The following IRS2 variants were observed in gnomAD, a reference collection of about 807,000 sequenced individuals.
The protein encoded by IRS2 is insulin receptor substrate 2.
IRS2 carries 28 observed loss-of-function variants against 70.9 expected under a neutral mutation model. The ratio of observed to expected loss-of-function variants is 0.39; its 90% CI spans 0.29 to 0.54. IRS2 has a LOEUF of 0.54. IRS2 is among the 20% of genes least tolerant of loss of function. The probability of loss-of-function intolerance (pLI) is 0.59; values close to 1 mark genes in which losing one functional copy is unlikely to be tolerated. For missense variants in IRS2, 2,081 were observed against 2,024.1 expected (o/e 1.03, Z -0.54); for synonymous variants, 1,217 against 981.9 (o/e 1.24, Z -4.48).
chr13:109,784,527 G>A lies in IRS2; in HGVS notation c.1527C>T (p.Asp509=), dbSNP rs762332547. Residue 509 remains aspartate (D), a synonymous_variant, in exon 1 of 2, where the codon GAC becomes GAT. Transcript: ENST00000375856. This position sits in a 1 kb window ranked among gnomAD's most constrained non-coding sequence, Gnocchi z 5.2. ...SLDEYGSSPG[D]LRAFCSHRSN... ...TTCGGTGGCTGCAGAAGGCGCGCAG[G>A]TCGCCTGGGCTGGAGCCGTACTCGT... 1.5e-5 allele frequency: 23 copies of A among 1,527,326 alleles called. No homozygotes were observed. The highest frequency in any genetic ancestry group is 1.8e-4 in the Middle Eastern group (1 of 5,648). The allele number at this position is 1,527,326 out of a possible 1,614,324, so 94.6% of individuals were successfully genotyped here. A position where few individuals can be genotyped will look rare whatever the true frequency, so the allele number is the denominator to read the frequency against.
intron 1 of IRS2, among the ~76,000 whole-genome samples, chr13:109,763,088 A>G (rs1877261613): frequency 1.3e-5 from 2 of 152,230 alleles, no homozygotes; most frequent in Non-Finnish European, 2.9e-5. Flanking sequence ...CTGCATGGCA[A>G]TGAACCTAAA....
Position 109,784,425 on chromosome 13 carries a change from C to T in IRS2, c.1629G>A (p.Met543Ile), listed in dbSNP as rs767955504. Residue 543 changes from methionine to isoleucine, a missense_variant, in exon 1 of 2, where the codon ATG (methionine) becomes ATA (isoleucine). Met to Ile is a conservative substitution (Grantham distance 10, BLOSUM62 1). This residue lies in a region of IRS2 where 1,615 missense variants were observed against 1,459.5 expected (regional missense o/e 1.11). Transcript: ENST00000375856. This position sits in a 1 kb window ranked among gnomAD's most constrained non-coding sequence, Gnocchi z 5.2. ...AGTGGCTCAGGGGCCTGTCCATGGT[C>T]ATGTACCCGTAGAACTCACCGCCGC... ...GGGGGEFYGY[M>I]TMDRPLSHCG... is the part of the protein sequence containing the mutation. 6.2e-7 allele frequency: 1 copy of T among 1,606,936 alleles called. No individual in the cohort carries two copies. Among genetic ancestry groups the T allele is most frequent in the Non-Finnish European group, 8.5e-7 (1 of 1,176,724 alleles).
In IRS2 at chr13:109,783,759, G is replaced by A. The variant is rs1321077062; in HGVS notation, c.2295C>T (p.Asp765=). Residue 765 remains aspartate, a synonymous_variant, in exon 1 of 2, where the codon GAC becomes GAT. Coordinates refer to ENST00000375856, the MANE Select transcript of IRS2 (RefSeq NM_003749.3). ...HADGKLLPNG[D]YLNVSPSDAV... is the part of the protein sequence containing the mutation. ...CGTCGCTGGGGGACACGTTGAGGTAGTCCCCGTTGGGCAGCAGCTTGCCAT... is the reference window on the plus strand; with the variant it reads ...CGTCGCTGGGGGACACGTTGAGGTAATCCCCGTTGGGCAGCAGCTTGCCAT... 3 of 1,593,524 alleles carry A rather than the reference G, an allele frequency of 1.9e-6. No homozygotes were observed. The highest frequency in any genetic ancestry group is 2.3e-5 in the East Asian group (1 of 43,606).
At chr13:109,759,516 A>G (rs1877183128) in intron 1 of IRS2, among the ~76,000 whole-genome samples, 1 of 152,230 alleles carries the variant, frequency 6.6e-6, no homozygotes, top group Non-Finnish European at 1.5e-5. Context: ...TTGGGATACA[A>G]CAGAGACCTA....
rs753744781 is a variant in IRS2, at chr13:109,782,260, G to C, written c.3794C>G (p.Pro1265Arg). Residue 1265 changes from proline to arginine, a missense_variant, in exon 1 of 2, where the codon CCA (proline) becomes CGA (arginine). Pro to Arg is a moderately radical substitution (Grantham distance 103, BLOSUM62 -2). This residue lies in a region of IRS2 where 1,615 missense variants were observed against 1,459.5 expected (regional missense o/e 1.11). Coordinates refer to ENST00000375856, the MANE Select transcript of IRS2 (RefSeq NM_003749.3). ...AIDVREEPGL[P>R]PQPQPPPPPL... Reference sequence around the variant, plus strand: ...CGGCGGCGGCGGCTGCGGCTGGGGTGGCAGCCCGGGCTCCTCCCTCACGTC... The same window carrying C: ...CGGCGGCGGCGGCTGCGGCTGGGGTCGCAGCCCGGGCTCCTCCCTCACGTC... The C allele has an allele frequency of 6.2e-7, 1 of 1,607,994 alleles. No individual in the cohort carries two copies. The highest frequency in any genetic ancestry group is 1.7e-5 in the Admixed American group (1 of 59,714).
At chr13:109,773,936 T>C (rs1877514605) in intron 1 of IRS2, among the ~76,000 whole-genome samples, 1 of 152,230 alleles carries the variant, frequency 6.6e-6, no homozygotes, top group South Asian at 2.1e-4. Context: ...TACTCTTTCT[T>C]GATGATATCT....
At chr13:109,771,751 A>G (rs1877455843) in intron 1 of IRS2, among the ~76,000 whole-genome samples, 1 of 152,208 alleles carries the variant, frequency 6.6e-6, no homozygotes, top group African/African-American at 2.4e-5. Context: ...GGTGTGGGGT[A>G]AGAAACTGAC....
At position 109,774,760 on chromosome 13, in the gene IRS2, G is replaced by A. The variant is rs140453106; in HGVS notation, c.4012+7282C>T. Among the ~76,000 whole-genome samples the A allele has an allele frequency of 1.1e-3, 163 of 152,206 alleles. 1 individual carries two copies. Among genetic ancestry groups the A allele is most frequent in the African/African-American group, 3.7e-3 (154 of 41,518 alleles). ...TCATGGTGGTTCTGCCTATGCCATA[G>A]GATTTTTTGGAATATTATACCATAT... On this transcript the variant is annotated intron_variant, in intron 1 of 1. Coordinates refer to ENST00000375856, the MANE Select transcript of IRS2 (RefSeq NM_003749.3).
intron 1 of IRS2, among the ~76,000 whole-genome samples, chr13:109,763,333 C>A (rs1877267014): frequency 6.6e-6 from 1 of 152,198 alleles, no homozygotes; most frequent in Non-Finnish European, 1.5e-5. Context: ...CCACACTATC[C>A]TGTTACAGAC....
rs2138937971 is a variant in IRS2, at chr13:109,785,302, G to A, written c.752C>T (p.Ser251Leu). ...QLMNIRRCGH[S>L]DSFFFIEVGR... ...CACCTCGATGAAGAAGAAGCTGTCC[G>A]AGTGGCCGCAGCGGCGGATGTTCAT... The change falls in exon 1 of 2, where the codon TCG becomes TTG. Residue 251 changes from serine to leucine, a missense_variant. Ser to Leu is a moderately radical substitution (Grantham distance 145). Transcript: ENST00000375856. This position sits in a 1 kb window ranked among gnomAD's most constrained non-coding sequence, Gnocchi z 9.3. 6.2e-7 allele frequency: 1 copy of A among 1,609,302 alleles called. No individual in the cohort carries two copies. Among genetic ancestry groups the A allele is most frequent in the Non-Finnish European group, 8.5e-7 (1 of 1,178,634 alleles).
At chr13:109,781,648 C>G (rs895440436) in intron 1 of IRS2, among the ~76,000 whole-genome samples, 1 of 152,154 alleles carries the variant, frequency 6.6e-6, no homozygotes, top group Non-Finnish European at 1.5e-5. Context: ...GCGGTCCGGA[C>G]CCGAGGTCCT....
Position 109,783,877 on chromosome 13 carries a change from C to T in IRS2, c.2177G>A (p.Gly726Asp), listed in dbSNP as rs755027066. The T allele has an allele frequency of 6.5e-7, 1 of 1,549,994 alleles. No individual in the cohort carries two copies. Among genetic ancestry groups the T allele is most frequent in the Non-Finnish European group, 8.7e-7 (1 of 1,147,450 alleles). ...CTCGGCGGGCGAGCTGGCCTTGTAG[C>T]CGCCCCCGCTCGCCGGGAATGTCCT... ...AGRTFPASGG[G>D]YKASSPAESS... is the part of the protein sequence containing the mutation. The change falls in exon 1 of 2, where the codon GGC becomes GAC. Residue 726 changes from glycine to aspartate, a missense_variant. This residue lies in a region of IRS2 where 1,615 missense variants were observed against 1,459.5 expected (regional missense o/e 1.11). Transcript: ENST00000375856.
intron 1 of IRS2, among the ~76,000 whole-genome samples, chr13:109,762,386 C>T (rs1566405574): frequency 1.3e-5 from 2 of 152,164 alleles, no homozygotes; most frequent in African/African-American, 2.4e-5. Flanking sequence ...CCAGGAAGCA[C>T]GAACAACTTG....
intron 1 of IRS2, among the ~76,000 whole-genome samples, chr13:109,767,309 G>A (rs1877357517): frequency 6.6e-6 from 1 of 152,228 alleles, no homozygotes; most frequent in Non-Finnish European, 1.5e-5. Context: ...CACGTCTTCT[G>A]CCCTCCCCTC....
chr13:109,781,648 C>A (rs895440436), intron 1 of IRS2, among the ~76,000 whole-genome samples: 4 of 152,154 alleles, frequency 2.6e-5, no homozygotes, highest in African/African-American at 9.7e-5. Flanking sequence ...GCGGTCCGGA[C>A]CCGAGGTCCT....
intron 1 of IRS2, among the ~76,000 whole-genome samples, chr13:109,769,176 G>A (rs1029205270): frequency 6.6e-6 from 1 of 151,988 alleles, no homozygotes; most frequent in East Asian, 1.9e-4. Context: ...GAAGAAATTC[G>A]AGTTGACGTA....
intron 1 of IRS2, among the ~76,000 whole-genome samples, chr13:109,763,757 C>CAT (rs1303075987): frequency 6.6e-6 from 1 of 152,082 alleles, no homozygotes; most frequent in Non-Finnish European, 1.5e-5. Flanking sequence ...TTATGTACAC[C>CAT]ATAACAATGT....
Position 109,756,098 on chromosome 13 carries a change from G to GC in IRS2, c.*205dup. 1.8e-6 allele frequency: 1 copy of GC among 559,970 alleles called. No individual in the cohort carries two copies. The highest frequency in any genetic ancestry group is 2.9e-5 in the Admixed American group (1 of 34,158). 34.7% of individuals were successfully genotyped at this position (559,970 alleles called of 1,614,324 possible). A position where few individuals can be genotyped will look rare whatever the true frequency, so the allele number is the denominator to read the frequency against. ...AAACGCAAACAGCACAATGATGAAT[G>GC]CCCCATCCGGGAACAAGGGAAAGAG... On this transcript the variant is annotated 3_prime_UTR_variant, in exon 2 of 2. Coordinates refer to ENST00000375856, the MANE Select transcript of IRS2 (RefSeq NM_003749.3).
rs1379353007 is a variant in IRS2, at chr13:109,782,369, C to T, written c.3685G>A (p.Val1229Ile). Residue 1229 changes from valine (V) to isoleucine (I), a missense_variant, in exon 1 of 2, where the codon GTC becomes ATC. This residue lies in a region of IRS2 where 1,615 missense variants were observed against 1,459.5 expected (regional missense o/e 1.11). Transcript: ENST00000375856. ...GATCCACCGCTCCCAGGACAACCGA[C>T]CAAGCCCCCGGGCTGACCCGGGGTC... The part of the protein sequence containing the change: ...PWTPGQPGGL[V>I]GCPGSGGSPM... The T allele has an allele frequency of 1.2e-6, 2 of 1,611,560 alleles. No homozygotes were observed. The highest frequency in any genetic ancestry group is 2.2e-5 in the South Asian group (2 of 91,056).
Sources: allele counts gnomAD v4.1 joint callset (sites outside exome capture counted in the v4.1 genomes callset), GRCh38; gene constraint gnomAD v4.1.1; regional missense constraint gnomAD v4.1.1; non-coding constraint Gnocchi (gnomAD v3.1); transcripts MANE v1.5; gene names NCBI Gene and HGNC (gene_info 2026-07-23, HGNC 2026-07-21).